SYNE2: variants seen among roughly 807,000 people sequenced by gnomAD.
SYNE2 encodes nesprin-2.
SYNE2 carries 431 observed loss-of-function variants against 856.3 expected under a neutral mutation model. The observed-to-expected ratio is 0.50, with a 90% CI of 0.47 to 0.55. The LOEUF is 0.55. Among genes scored for constraint, SYNE2 ranks in the 20% least tolerant of loss-of-function variants. SYNE2 has a pLI of 0.00. For synonymous variants in SYNE2, 2,923 were observed against 2,872.3 expected (o/e 1.02, Z -0.56); for missense variants, 8,129 against 8,023.2 (o/e 1.01, Z -0.50).
At chr14:64,182,144 G>T (rs1280828793) in intron 96 of SYNE2, among the ~76,000 whole-genome samples, 1 of 152,134 alleles carries the variant, frequency 6.6e-6, no homozygotes, top group African/African-American at 2.4e-5. Flanking sequence ...CACAGGCAAG[G>T]CTTAGATGCT....
At chr14:63,783,483 T>G (rs1484139028) in intron 1 of SYNE2, among the ~76,000 whole-genome samples, 2 of 152,164 alleles carry the variant, frequency 1.3e-5, no homozygotes. Flanking sequence ...GTTCAAGGAA[T>G]TCTCCTGCCT....
In SYNE2 at chr14:64,129,693, T is replaced by C. The variant is rs955448057; in HGVS notation, c.14020-89T>C. 1.1e-5 allele frequency: 17 copies of C among 1,576,038 alleles called. No homozygotes were observed. The African/African-American group carries it at 2.0e-4, about 19-fold the overall frequency. ...GATTTTTGCTTTTCCCTTCATCCCT[T>C]TCTGTACTATTTAATTCTTTTTAGA... On this transcript the variant is annotated intron_variant, in intron 74 of 115. Coordinates refer to ENST00000555002, the MANE Select transcript of SYNE2 (RefSeq NM_182914.3).
In SYNE2 at chr14:64,177,223, G is replaced by A. The variant is rs113707984; in HGVS notation, c.17431-135G>A. The A allele has an allele frequency of 2.1e-4, 233 of 1,101,036 alleles. 2 individuals are homozygous for A. In the African/African-American group the frequency reaches 2.9e-3, roughly 14 times the overall value. The allele number at this position is 1,101,036 out of a possible 1,614,324, so 68.2% of individuals were successfully genotyped here. On this transcript the variant is annotated intron_variant, in intron 95 of 115. Coordinates refer to ENST00000555002, the MANE Select transcript of SYNE2 (RefSeq NM_182914.3). ...TGGAGACCATAGTCTGCTTAAGACA[G>A]GGAACTGGGTGTCTGTGTGATTTAT... is the stretch of plus-strand genomic sequence containing the variant.
Position 63,916,656 on chromosome 14 carries a change from G to T in SYNE2, c.79+7429G>T, listed in dbSNP as rs534002683. On this transcript the variant is annotated intron_variant, in intron 2 of 115. Transcript: ENST00000555002. ...GAAACATGATTTCTTTAGGCTTCAG[G>T]CAGTGAAGTGTGTCTATGATGTTTA... 2.6e-5 allele frequency among the ~76,000 whole-genome samples: 4 copies of T among 152,146 alleles called. No homozygotes were observed. The South Asian group carries it at 6.2e-4, about 24-fold the overall frequency.
At chr14:64,160,572 G>T (rs914884893) in intron 87 of SYNE2, among the ~76,000 whole-genome samples, 9 of 152,212 alleles carry the variant, frequency 5.9e-5, no homozygotes, top group Non-Finnish European at 1.2e-4. Context: ...AGACAGTTCT[G>T]ATAAGATTTT....
chr14:63,832,653 T>C (rs1283434017), intron 1 of SYNE2, among the ~76,000 whole-genome samples: 1 of 151,998 alleles, frequency 6.6e-6, no homozygotes, highest in Non-Finnish European at 1.5e-5. Flanking sequence ...GAAGAAATCG[T>C]CAGAAGAAAG....
At chr14:63,962,705 T>A (rs1003802171) in intron 9 of SYNE2, among the ~76,000 whole-genome samples, 1 of 151,962 alleles carries the variant, frequency 6.6e-6, no homozygotes, top group African/African-American at 2.4e-5. Context: ...CCTGCCTGGC[T>A]AATTTTTTGT....
At chr14:63,910,670 C>A (rs1157629580) in intron 2 of SYNE2, among the ~76,000 whole-genome samples, 1 of 152,166 alleles carries the variant, frequency 6.6e-6, no homozygotes, top group African/African-American at 2.4e-5. Context: ...ATTCTTTGAA[C>A]TTGGAGGAGA....
At chr14:63,851,768 T>C (rs1006602798), upstream of SYNE2, among the ~76,000 whole-genome samples, 2 of 151,716 alleles carry the variant, frequency 1.3e-5, no homozygotes, top group African/African-American at 4.8e-5. Flanking sequence ...GCCACAGACA[T>C]ATATATGAAC....
chr14:63,881,144 G>A (rs1331597997), intron 1 of SYNE2, among the ~76,000 whole-genome samples: 3 of 151,450 alleles, frequency 2.0e-5, no homozygotes, highest in South Asian at 2.1e-4. Context: ...CACTGTGCCC[G>A]GCAATTTTTT....
chr14:64,140,174 A>G (rs1029455456), intron 80 of SYNE2, 101 bp downstream of exon 80: 35 of 1,227,298 alleles, frequency 2.9e-5, no homozygotes, highest in Non-Finnish European at 3.7e-5. Context: ...TTATTTGTGG[A>G]TAAGGGGTAA....
intron 1 of SYNE2, among the ~76,000 whole-genome samples, chr14:63,805,558 T>G (rs1032849147): frequency 5.9e-5 from 9 of 152,142 alleles, no homozygotes; most frequent in African/African-American, 1.2e-4. Context: ...CGGCTAATTT[T>G]TTGTATTTTT....
intron 45 of SYNE2, among the ~76,000 whole-genome samples, chr14:64,046,142 C>T (rs1225962636): frequency 3.3e-5 from 5 of 152,132 alleles, no homozygotes; most frequent in South Asian, 4.2e-4. Context: ...AAATTACTGC[C>T]GTGGTGCTTC....
chr14:64,137,983 G>C lies in SYNE2; in HGVS notation c.14843G>C (p.Ser4948Thr), dbSNP rs1298418877. 3 of 1,612,898 alleles carry C rather than the reference G, an allele frequency of 1.9e-6. No individual in the cohort carries two copies. Among genetic ancestry groups the C allele is most frequent in the East Asian group, 4.5e-5 (2 of 44,816 alleles). ...CAAGCTCTTCTCAAGCATCTGCTCA[G>C]GTCAGCCTTTTTGGGGGTGGATTGG... Reference protein sequence around the residue: ...RLQALLKHLLSYNRDSDQLTK... With the variant: ...RLQALLKHLLTYNRDSDQLTK... Residue 4948 changes from serine to threonine, a missense_variant and splice_region_variant, in exon 79 of 116, where the codon AGT becomes ACT. Physicochemically the swap from Ser to Thr is moderately conservative, Grantham distance 58. Transcript: ENST00000555002.
chr14:64,039,872 C>G (rs568903826), intron 45 of SYNE2, among the ~76,000 whole-genome samples: 1 of 152,106 alleles, frequency 6.6e-6, no homozygotes, highest in Non-Finnish European at 1.5e-5. Context: ...AGAATAGACA[C>G]GGGCCCTTGA....
intron 1 of SYNE2, among the ~76,000 whole-genome samples, chr14:63,800,175 A>T (rs942928801): frequency 1.4e-4 from 22 of 152,266 alleles, no homozygotes; most frequent in East Asian, 1.9e-4. Flanking sequence ...TCTTCTGAGG[A>T]TGAAAGGCAA....
intron 1 of SYNE2, among the ~76,000 whole-genome samples, chr14:63,764,826 T>C (rs1027921444): frequency 2.0e-5 from 3 of 152,080 alleles, no homozygotes; most frequent in Non-Finnish European, 4.4e-5. Context: ...CGCACACCTG[T>C]GGCCCCAGCT....
At chr14:63,836,815 A>T (rs145256175) in intron 1 of SYNE2, among the ~76,000 whole-genome samples, 1 of 152,336 alleles carries the variant, frequency 6.6e-6, no homozygotes, top group African/African-American at 2.4e-5. Flanking sequence ...GTTAGATAAT[A>T]TTCTTCCTCT....
chr14:63,913,556 G>A (rs925760779), intron 2 of SYNE2, among the ~76,000 whole-genome samples: 7 of 150,898 alleles, frequency 4.6e-5, no homozygotes, highest in African/African-American at 1.7e-4. Flanking sequence ...TCCGCCTCCA[G>A]AGTTCAAGTG....
Sources: allele counts gnomAD v4.1 joint callset (sites outside exome capture counted in the v4.1 genomes callset), GRCh38; gene constraint gnomAD v4.1.1; transcripts MANE v1.5; gene names NCBI Gene and HGNC (gene_info 2026-07-23, HGNC 2026-07-21).